UGT1A9: variants seen among roughly 807,000 people sequenced by gnomAD.
UGT1A9 encodes UDP glucuronosyltransferase family 1 member A9.
A neutral mutation model predicts 45.0 loss-of-function variants in UGT1A9; 35 were observed. That is an observed-to-expected ratio of 0.78 (90% CI 0.59 to 1.03). UGT1A9 has a LOEUF of 1.03. Ranked by LOEUF, UGT1A9 falls within the 50% of genes least tolerant of loss-of-function variation. The probability of loss-of-function intolerance (pLI) is 0.00; values close to 1 mark genes in which losing one functional copy is unlikely to be tolerated. For synonymous variants in UGT1A9, 278 were observed against 250.6 expected (o/e 1.11, Z -1.03); for missense variants, 687 against 666.6 (o/e 1.03, Z -0.34).
At chr2:233,717,660 C>T (rs1182595168) in intron 1 of UGT1A9, 1 of 409,710 alleles carries the variant, frequency 2.4e-6, no homozygotes, top group Non-Finnish European at 5.0e-6. Context: ...AAGGAAGCAT[C>T]AGCAATCTTG....
At chr2:233,727,146 G>T (rs2077588157) in intron 1 of UGT1A9, among the ~76,000 whole-genome samples, 1 of 152,194 alleles carries the variant, frequency 6.6e-6, no homozygotes, top group Non-Finnish European at 1.5e-5. Context: ...GACCACACAG[G>T]TCAGTCTTTC....
intron 1 of UGT1A9, among the ~76,000 whole-genome samples, chr2:233,715,914 T>C (rs554442850): frequency 1.6e-4 from 24 of 152,214 alleles, no homozygotes; most frequent in Non-Finnish European, 3.1e-4. Context: ...GGGAGGATCA[T>C]TGAGCTCAGG....
chr2:233,682,199 C>A (rs151080578), intron 1 of UGT1A9: 3 of 1,614,152 alleles, frequency 1.9e-6, no homozygotes, highest in Non-Finnish European at 2.5e-6. Context: ...GGATCAGGAC[C>A]GGGAGTTCAT....
chr2:233,726,224 T>G (rs1237222644), intron 1 of UGT1A9, among the ~76,000 whole-genome samples: 2 of 152,154 alleles, frequency 1.3e-5, no homozygotes, highest in Non-Finnish European at 2.9e-5. Context: ...TAGAAAACAT[T>G]TTTTAAAACT....
At chr2:233,696,988 G>T (rs914918936) in intron 1 of UGT1A9, among the ~76,000 whole-genome samples, 5 of 152,034 alleles carry the variant, frequency 3.3e-5, no homozygotes, top group Non-Finnish European at 1.5e-5. Context: ...CTGGTGTTTC[G>T]TTGAGATTTT....
At chr2:233,694,141 T>G (rs1331885877) in intron 1 of UGT1A9, among the ~76,000 whole-genome samples, 1 of 152,094 alleles carries the variant, frequency 6.6e-6, no homozygotes, top group African/African-American at 2.4e-5. Context: ...GAATGAGCCT[T>G]AGAAATGTCC....
chr2:233,702,392 C>G (rs116752666), intron 1 of UGT1A9, among the ~76,000 whole-genome samples: 1,932 of 152,128 alleles, frequency 0.013, 42 homozygotes, highest in African/African-American at 0.043. Context: ...CATTCCAGAT[C>G]ATGTTATCTA....
intron 1 of UGT1A9, among the ~76,000 whole-genome samples, chr2:233,705,032 A>G (rs1039287692): frequency 4.6e-5 from 7 of 151,844 alleles, no homozygotes; most frequent in Admixed American, 2.0e-4. Flanking sequence ...GCTACTCGGG[A>G]GGCTGAGGCA....
intron 1 of UGT1A9, among the ~76,000 whole-genome samples, chr2:233,735,528 T>A (rs1193840651): frequency 1.3e-5 from 2 of 152,238 alleles, no homozygotes; most frequent in African/African-American, 4.8e-5. Flanking sequence ...TAAATATTGT[T>A]ATGAGTGAAT....
At position 233,767,932 on chromosome 2, in the gene UGT1A9, G is replaced by C. The variant is rs754018098; in HGVS notation, c.1071G>C (p.Leu357=). The change falls in exon 3 of 5, where the codon CTG becomes CTC. Residue 357 remains leucine (L), a synonymous_variant. Coordinates refer to ENST00000354728, the MANE Select transcript of UGT1A9 (RefSeq NM_021027.3). ...TTAAGTGGCTACCCCAAAACGATCT[G>C]CTTGGTATGTTGGGCGGATTGGATG... ...ILVKWLPQND[L]LGHPMTRAFI... 3 of 1,614,064 alleles carry C rather than the reference G, an allele frequency of 1.9e-6. No individual in the cohort carries two copies. Among genetic ancestry groups the C allele is most frequent in the African/African-American group, 2.7e-5 (2 of 74,926 alleles).
At chr2:233,727,495 T>C (rs1362893443) in intron 1 of UGT1A9, among the ~76,000 whole-genome samples, 1 of 152,152 alleles carries the variant, frequency 6.6e-6, no homozygotes, top group African/African-American at 2.4e-5. Flanking sequence ...AGGTAGAACA[T>C]GGGAGCCCAT....
intron 1 of UGT1A9, among the ~76,000 whole-genome samples, chr2:233,709,577 A>T (rs186174292): frequency 4.7e-4 from 71 of 152,336 alleles, no homozygotes; most frequent in Admixed American, 1.4e-3. Flanking sequence ...AAAATTCAAA[A>T]AATATACCAG....
Position 233,772,397 on chromosome 2 carries a change from C to A in UGT1A9, c.1431C>A (p.Asp477Glu). Residue 477 changes from aspartate (D) to glutamate (E), a missense_variant, in exon 5 of 5, where the codon GAC becomes GAA. By Grantham distance (45) the Asp-to-Glu change is conservative. Coordinates refer to ENST00000354728, the MANE Select transcript of UGT1A9 (RefSeq NM_021027.3). ...GAPHLRPAAH[D>E]LTWYQYHSLD... The stretch of plus-strand genomic sequence containing the variant: ...CACACCTGCGCCCCGCAGCCCACGA[C>A]CTCACCTGGTACCAGTACCATTCCT... The A allele has an allele frequency of 6.2e-7, 1 of 1,614,254 alleles. No individual in the cohort carries two copies. The highest frequency in any genetic ancestry group is 8.5e-7 in the Non-Finnish European group (1 of 1,180,050).
At position 233,729,652 on chromosome 2, in the gene UGT1A9, A is replaced by G. The variant is rs573544269; in HGVS notation, c.856-37382A>G. On this transcript the variant is annotated intron_variant, in intron 1 of 4. Transcript: ENST00000354728. ...TCCTACTGTGTTTTTTTTGAGGAAC[A>G]TTCCATGTGATTTAGACTTTAAGGG... 5 of 1,613,890 alleles carry G rather than the reference A, an allele frequency of 3.1e-6. No individual in the cohort carries two copies. The African/African-American group carries it at 6.7e-5, about 22-fold the overall frequency.
intron 1 of UGT1A9, among the ~76,000 whole-genome samples, chr2:233,765,522 C>T (rs1046114337): frequency 3.9e-5 from 6 of 151,992 alleles, no homozygotes; most frequent in East Asian, 1.9e-4. Flanking sequence ...AATCAAACAC[C>T]GCATGTTCTC....
At chr2:233,744,795 G>A (rs1194652207) in intron 1 of UGT1A9, among the ~76,000 whole-genome samples, 2 of 151,864 alleles carry the variant, frequency 1.3e-5, no homozygotes, top group Non-Finnish European at 2.9e-5. Context: ...AATTCTTGGG[G>A]ATCCCTAGGA....
intron 1 of UGT1A9, chr2:233,760,930 A>T: frequency 6.2e-7 from 1 of 1,614,176 alleles, no homozygotes; most frequent in East Asian, 2.2e-5. Context: ...GAACATGCTC[A>T]TTGCCTTTTC....
At chr2:233,757,313 C>T (rs1359328872) in intron 1 of UGT1A9, among the ~76,000 whole-genome samples, 3 of 66,648 alleles carry the variant, frequency 4.5e-5, no homozygotes, top group African/African-American at 1.8e-4. Context: ...GACAGGGGGG[C>T]TGGGGCCCTG....
At chr2:233,729,664 T>G (rs755209657) in intron 1 of UGT1A9, 35 of 1,613,812 alleles carry the variant, frequency 2.2e-5, no homozygotes, top group Non-Finnish European at 3.0e-5. Context: ...TCCATGTGAT[T>G]TAGACTTTAA....
Sources: allele counts gnomAD v4.1 joint callset (sites outside exome capture counted in the v4.1 genomes callset), GRCh38; gene constraint gnomAD v4.1.1; transcripts MANE v1.5; gene names NCBI Gene and HGNC (gene_info 2026-07-23, HGNC 2026-07-21).